Variants in ADAMTS2 observed in about 807,000 individuals in gnomAD.
The protein encoded by ADAMTS2 is A disintegrin and metalloproteinase with thrombospondin motifs 2.
Under a neutral mutation model 123.0 loss-of-function variants are expected in ADAMTS2, and 50 were observed. The ratio of observed to expected loss-of-function variants is 0.41; its 90% CI spans 0.32 to 0.51. The LOEUF (loss-of-function observed/expected upper bound fraction) is 0.51, where lower values mean the gene tolerates loss of function less well. ADAMTS2 is among the 20% of genes least tolerant of loss of function. The pLI, the probability that ADAMTS2 is intolerant of heterozygous loss-of-function variation, is 0.35. For missense variants in ADAMTS2, 1,494 were observed against 1,705.2 expected (o/e 0.88, Z 2.18); for synonymous variants, 678 against 695.4 (o/e 0.98, Z 0.39).
At chr5:179,273,623 T>C (rs1321927585) in intron 2 of ADAMTS2, among the ~76,000 whole-genome samples, 1 of 152,128 alleles carries the variant, frequency 6.6e-6, no homozygotes, top group African/African-American at 2.4e-5. Flanking sequence ...CCAGCTTTCC[T>C]TGGAAACGCA....
In ADAMTS2 at chr5:179,118,912, G is replaced by C. The variant is rs950701087; in HGVS notation, c.3178+2749C>G. On this transcript the variant is annotated intron_variant, in intron 21 of 21. Transcript: ENST00000251582. The surrounding 1 kb of genome is among the most constrained non-coding windows in gnomAD (Gnocchi z 4.5). ...GCCCCAGCTATGTTTATGCACCACC[G>C]AATCACCTTCCATTTCCCATGCTTT... is the stretch of plus-strand genomic sequence containing the variant. 3.3e-5 allele frequency among the ~76,000 whole-genome samples: 5 copies of C among 152,186 alleles called. No individual in the cohort carries two copies. Among genetic ancestry groups the C allele is most frequent in the African/African-American group, 1.2e-4 (5 of 41,442 alleles).
In ADAMTS2 at chr5:179,262,368, G is replaced by A. The variant is rs1313874148; in HGVS notation, c.688+10543C>T. Among the ~76,000 whole-genome samples the A allele has an allele frequency of 2.0e-5, 3 of 151,584 alleles. No homozygotes were observed. The highest frequency in any genetic ancestry group is 6.6e-5 in the Admixed American group (1 of 15,204). ...TCATCCTGAACCCACTGCCTCCACC[G>A]CCATCTGTCACCGGGACTCCTCCCT... On this transcript the variant is annotated intron_variant, in intron 3 of 21. Coordinates refer to ENST00000251582, the MANE Select transcript of ADAMTS2 (RefSeq NM_014244.5). This position sits in a 1 kb window ranked among gnomAD's most constrained non-coding sequence, Gnocchi z 5.9.
chr5:179,296,056 G>A (rs1020523039), intron 2 of ADAMTS2, among the ~76,000 whole-genome samples: 3 of 152,216 alleles, frequency 2.0e-5, no homozygotes, highest in Non-Finnish European at 4.4e-5. Context: ...CAGAGCCCAG[G>A]GGAAGAGCAA....
chr5:179,295,913 C>T (rs917299393), intron 2 of ADAMTS2, among the ~76,000 whole-genome samples: 2 of 152,184 alleles, frequency 1.3e-5, no homozygotes, highest in Admixed American at 6.5e-5. Context: ...ACAGGTGGGG[C>T]TGTGGAAGGA....
At position 179,113,616 on chromosome 5, in the gene ADAMTS2, T is replaced by C; in HGVS notation, c.*251A>G. 1 of 539,094 alleles carries C rather than the reference T, an allele frequency of 1.9e-6. No individual in the cohort carries two copies. The allele number at this position is 539,094 out of a possible 1,614,324, so 33.4% of individuals were successfully genotyped here. A position where few individuals can be genotyped will look rare whatever the true frequency, so the allele number is the denominator to read the frequency against. On this transcript the variant is annotated 3_prime_UTR_variant, in exon 22 of 22. Transcript: ENST00000251582. Reference sequence around the variant, plus strand: ...CCTCACTGAGGGAGGCCATACAGCCTCTATATTCCTCTCCACTGCACACCT... The same window carrying C: ...CCTCACTGAGGGAGGCCATACAGCCCCTATATTCCTCTCCACTGCACACCT...
intron 3 of ADAMTS2, among the ~76,000 whole-genome samples, chr5:179,223,966 C>CG (rs1765209267): frequency 6.6e-6 from 1 of 152,222 alleles, no homozygotes; most frequent in Non-Finnish European, 1.5e-5. Context: ...AATAAATAAA[C>CG]GGGCCAAAAA....
chr5:179,253,570 C>G (rs142243422), intron 3 of ADAMTS2, among the ~76,000 whole-genome samples: 1 of 151,552 alleles, frequency 6.6e-6, no homozygotes, highest in Non-Finnish European at 1.5e-5. Context: ...CACTGGAACC[C>G]GAGAGGCAGA....
intron 1 of ADAMTS2, among the ~76,000 whole-genome samples, chr5:179,344,686 C>T (rs893171604): frequency 2.6e-5 from 4 of 152,238 alleles, no homozygotes; most frequent in Non-Finnish European, 5.9e-5. Flanking sequence ...GTCCAGCTCC[C>T]GCTCAGCCCG....
intron 5 of ADAMTS2, among the ~76,000 whole-genome samples, chr5:179,166,585 TG>T (rs1170165099): frequency 6.7e-6 from 1 of 148,946 alleles, no homozygotes; most frequent in African/African-American, 2.5e-5. Context: ...AGGGGGCCCG[TG>T]GGCCTTGGGT....
chr5:179,267,955 G>C (rs149454395), intron 3 of ADAMTS2, among the ~76,000 whole-genome samples: 3 of 152,210 alleles, frequency 2.0e-5, no homozygotes, highest in African/African-American at 7.2e-5. Flanking sequence ...TCTCGTACCC[G>C]GGTCGGCCTG....
At chr5:179,302,278 A>G (rs575568172) in intron 2 of ADAMTS2, among the ~76,000 whole-genome samples, 9 of 150,242 alleles carry the variant, frequency 6.0e-5, no homozygotes, top group South Asian at 4.3e-4. Flanking sequence ...TGGCTAACAC[A>G]GTGAAACCCC....
Position 179,314,503 on chromosome 5 carries a change from G to C in ADAMTS2, c.534+29264C>G, listed in dbSNP as rs1756926608. Among the ~76,000 whole-genome samples the C allele has an allele frequency of 6.6e-6, 1 of 152,152 alleles. No individual in the cohort carries two copies. Among genetic ancestry groups the C allele is most frequent in the Non-Finnish European group, 1.5e-5 (1 of 68,014 alleles). On this transcript the variant is annotated intron_variant, in intron 2 of 21. Transcript: ENST00000251582. This position sits in a 1 kb window ranked among gnomAD's most constrained non-coding sequence, Gnocchi z 4.5. ...TAGTAAATGCACCGTGCTGTACTCAGAGCCCAGGAAGCAGCCCTCCCACCC... is the reference window on the plus strand; with the variant it reads ...TAGTAAATGCACCGTGCTGTACTCACAGCCCAGGAAGCAGCCCTCCCACCC...
intron 4 of ADAMTS2, among the ~76,000 whole-genome samples, chr5:179,186,638 C>T (rs1005646930): frequency 1.3e-5 from 2 of 152,188 alleles, no homozygotes; most frequent in South Asian, 2.1e-4. Flanking sequence ...AAAACACTGG[C>T]GTCCTCAGTA....
At chr5:179,204,019 A>G (rs1764623374) in intron 4 of ADAMTS2, among the ~76,000 whole-genome samples, 1 of 152,232 alleles carries the variant, frequency 6.6e-6, no homozygotes, top group Non-Finnish European at 1.5e-5. Flanking sequence ...CTCCCTGAAA[A>G]GGAAGGACAT....
At chr5:179,311,033 G>GC (rs1229502478) in intron 2 of ADAMTS2, among the ~76,000 whole-genome samples, 37 of 71,442 alleles carry the variant, frequency 5.2e-4, no homozygotes, top group African/African-American at 1.9e-3. Flanking sequence ...CCACTCCCCA[G>GC]CCCCCCACCC....
At position 179,185,509 on chromosome 5, in the gene ADAMTS2, C is replaced by T. The variant is rs1489418391; in HGVS notation, c.892-4354G>A. Among the ~76,000 whole-genome samples the T allele has an allele frequency of 6.6e-6, 1 of 152,138 alleles. No homozygotes were observed. The highest frequency in any genetic ancestry group is 2.4e-5 in the African/African-American group (1 of 41,448). ...GCAAGATCTTCCCACTCTCCTAGCC[C>T]TACCCCTGGGGCCGAAGGTGGCAGC... is the stretch of plus-strand genomic sequence containing the variant. On this transcript the variant is annotated intron_variant, in intron 4 of 21. Transcript: ENST00000251582. The surrounding 1 kb of genome is among the most constrained non-coding windows in gnomAD (Gnocchi z 5.9).
At chr5:179,217,827 C>CAAAAGGG (rs1561811291) in intron 3 of ADAMTS2, among the ~76,000 whole-genome samples, 1 of 97,568 alleles carries the variant, frequency 1.0e-5, no homozygotes, top group African/African-American at 3.9e-5. Flanking sequence ...TAGGGGATGG[C>CAAAAGGG]CTGAGGGCAG....
At chr5:179,153,042 T>C (rs572783694) in intron 9 of ADAMTS2, among the ~76,000 whole-genome samples, 1 of 152,370 alleles carries the variant, frequency 6.6e-6, no homozygotes, top group African/African-American at 2.4e-5. Flanking sequence ...CCGGTTCCTC[T>C]GACGGCTCAG....
intron 13 of ADAMTS2, among the ~76,000 whole-genome samples, chr5:179,134,848 CG>C (rs1763029734): frequency 1.0e-5 from 1 of 100,372 alleles, no homozygotes; most frequent in Non-Finnish European, 2.1e-5. Flanking sequence ...CCCCAGCTCC[CG>C]GCTCCAGCTC....
Sources: gnomAD v4.1 joint callset for allele counts (sites outside exome capture counted in the v4.1 genomes callset) on GRCh38, gnomAD v4.1.1 for gene constraint, Gnocchi (gnomAD v3.1) non-coding constraint, MANE v1.5 for transcripts, NCBI Gene and HGNC (gene_info 2026-07-23, HGNC 2026-07-21) for gene names.